The following NTRK3 variants were observed in gnomAD, a reference collection of about 807,000 sequenced individuals.
NTRK3 encodes NT-3 growth factor receptor.
NTRK3 carries 24 observed loss-of-function variants against 91.7 expected under a neutral mutation model. The ratio of observed to expected loss-of-function variants is 0.26; its 90% CI spans 0.19 to 0.37. NTRK3 has a LOEUF of 0.37. NTRK3 is among the 10% of genes least tolerant of loss of function. The pLI is 1.00. For synonymous variants in NTRK3, 483 were observed against 404.0 expected, an observed-to-expected ratio of 1.20 and a Z score of -2.34; for missense variants, 880 against 1,068.9, an observed-to-expected ratio of 0.82 and a Z score of 2.46.
chr15:88,147,844 G>A (rs1057049558), intron 5 of NTRK3, among the ~76,000 whole-genome samples: 2 of 152,130 alleles, frequency 1.3e-5, no homozygotes, highest in Non-Finnish European at 2.9e-5. Flanking sequence ...TTTAGCCAGT[G>A]TCTCTCCCAG....
intron 14 of NTRK3, among the ~76,000 whole-genome samples, chr15:87,999,534 T>G (rs565821966): frequency 6.6e-6 from 1 of 152,230 alleles, no homozygotes; most frequent in African/African-American, 2.4e-5. Context: ...ATAAATAACA[T>G]GTAGATGTCT....
chr15:87,915,493 C>T (rs1031320236), intron 17 of NTRK3, among the ~76,000 whole-genome samples: 3 of 152,248 alleles, frequency 2.0e-5, no homozygotes, highest in South Asian at 2.1e-4. Flanking sequence ...GCTCTTCCTG[C>T]AGATGCCTAA....
At chr15:87,949,313 C>T (rs1017136955) in intron 14 of NTRK3, among the ~76,000 whole-genome samples, 1 of 152,082 alleles carries the variant, frequency 6.6e-6, no homozygotes, top group African/African-American at 2.4e-5. Context: ...GACCCACATC[C>T]TAACCCTCAG....
intron 14 of NTRK3, among the ~76,000 whole-genome samples, chr15:87,942,612 C>G (rs2069996503): frequency 6.6e-6 from 1 of 152,154 alleles, no homozygotes; most frequent in Non-Finnish European, 1.5e-5. Flanking sequence ...AAGCCCACAT[C>G]TCTGAACACG....
intron 13 of NTRK3, among the ~76,000 whole-genome samples, chr15:88,069,503 G>A (rs949666891): frequency 2.0e-5 from 3 of 152,182 alleles, no homozygotes; most frequent in East Asian, 3.9e-4. Flanking sequence ...TGGAAGTGTG[G>A]AGCCTGGGTG....
chr15:87,903,930 C>T (rs2066599468), intron 17 of NTRK3, among the ~76,000 whole-genome samples: 2 of 152,154 alleles, frequency 1.3e-5, no homozygotes, highest in Admixed American at 6.5e-5. Flanking sequence ...AGACCCTCTC[C>T]ACAACCTCAG....
Position 88,212,699 on chromosome 15 carries a change from A to ATC in NTRK3, c.249-28402_249-28401dup, listed in dbSNP as rs2049360621. 1.0e-4 allele frequency among the ~76,000 whole-genome samples: 11 copies of ATC among 108,942 alleles called. No individual in the cohort carries two copies. In the Admixed American group the frequency reaches 1.0e-3, roughly 10 times the overall value. The allele number at this position is 108,942 out of a possible 152,430, so 71.5% of individuals were successfully genotyped here. ...TCATGGAAGCTGTTTTGGCTGCTGC[A>ATC]TCACACACACACACACACACACACA... is the stretch of plus-strand genomic sequence containing the variant. On this transcript the variant is annotated intron_variant, in intron 3 of 18. Transcript: ENST00000394480.
chr15:87,900,601 T>C (rs1363524243), intron 17 of NTRK3, among the ~76,000 whole-genome samples: 1 of 152,140 alleles, frequency 6.6e-6, no homozygotes, highest in Non-Finnish European at 1.5e-5. Context: ...AATTTTCTCA[T>C]CTGAATCAGG....
rs2071917666 is a variant in NTRK3, at chr15:87,958,603, C to G, written c.1586-17850G>C. Among the ~76,000 whole-genome samples the G allele has an allele frequency of 2.0e-5, 3 of 152,032 alleles. No individual in the cohort carries two copies. In the South Asian group the frequency reaches 6.2e-4, roughly 32 times the overall value. On this transcript the variant is annotated intron_variant, in intron 14 of 18. Transcript: ENST00000394480. ...AGCCCAGGAGTTTTCCTTGATGACT[C>G]TTTCCTGCAGTGCTCCCAAGCCCAT...
intron 13 of NTRK3, among the ~76,000 whole-genome samples, chr15:88,124,463 A>T (rs550828173): frequency 6.6e-6 from 1 of 152,340 alleles, no homozygotes; most frequent in East Asian, 1.9e-4. Flanking sequence ...ACTGCCAAGC[A>T]TGTCGCAGGG....
rs1366635360 is a variant in NTRK3 at position 87,886,721 on chromosome 15, TAC to T, written c.2134-6295_2134-6294del. Among the ~76,000 whole-genome samples the T allele has an allele frequency of 3.7e-4, 43 of 117,250 alleles. 1 individual carries two copies. The highest frequency in any genetic ancestry group is 4.2e-3 in the Middle Eastern group (1 of 238). 76.9% of individuals were successfully genotyped at this position (117,250 alleles called of 152,430 possible). A position where few individuals can be genotyped will look rare whatever the true frequency, so the allele number is the denominator to read the frequency against. The stretch of plus-strand genomic sequence containing the variant: ...ATATACATATATACACACACACACA[TAC>T]ACACACACACATAAACACACACACA... On this transcript the variant is annotated intron_variant, in intron 17 of 18. Coordinates refer to ENST00000394480, the Ensembl canonical transcript of NTRK3.
At chr15:88,068,769 G>A (rs1221209447) in intron 13 of NTRK3, among the ~76,000 whole-genome samples, 1 of 152,114 alleles carries the variant, frequency 6.6e-6, no homozygotes, top group Non-Finnish European at 1.5e-5. Flanking sequence ...AGCAGGCAGA[G>A]CAAGAAGGGC....
At chr15:87,973,035 G>A (rs184290818) in intron 14 of NTRK3, among the ~76,000 whole-genome samples, 7 of 152,192 alleles carry the variant, frequency 4.6e-5, no homozygotes, top group Non-Finnish European at 1.0e-4. Flanking sequence ...TGTCCCCCTC[G>A]TTTTTGTCAT....
chr15:87,881,720 A>C (rs2065267709), intron 17 of NTRK3, among the ~76,000 whole-genome samples: 1 of 151,826 alleles, frequency 6.6e-6, no homozygotes. Context: ...CGCCCGGCCT[A>C]AAGTTCTTAT....
At chr15:88,197,158 G>A (rs138179357) in intron 3 of NTRK3, among the ~76,000 whole-genome samples, 2 of 142,734 alleles carry the variant, frequency 1.4e-5, no homozygotes, top group East Asian at 4.2e-4. Context: ...TGTCTGCCCT[G>A]GGCACAGTAC....
chr15:88,079,519 C>T (rs1297560706), intron 13 of NTRK3, among the ~76,000 whole-genome samples: 1 of 152,186 alleles, frequency 6.6e-6, no homozygotes, highest in African/African-American at 2.4e-5. Context: ...GCTCTCAGCT[C>T]ATAGCTTAAA....
exon 10 of NTRK3, chr15:88,135,153 C>T (rs2041756457): frequency 9.3e-6 from 15 of 1,614,240 alleles, no homozygotes; most frequent in Non-Finnish European, 1.1e-5. Flanking sequence ...TGGCTGTGCC[C>T]AGTGGGTTTT....
chr15:88,208,956 T>C (rs2049015387), intron 3 of NTRK3, among the ~76,000 whole-genome samples: 1 of 152,154 alleles, frequency 6.6e-6, no homozygotes, highest in Non-Finnish European at 1.5e-5. Flanking sequence ...CATCGTGCCC[T>C]GAGTGAGGCA....
At chr15:87,933,171 G>T (rs1456055401) in exon 16 of NTRK3, 2 of 1,614,004 alleles carry the variant, frequency 1.2e-6, no homozygotes, top group Admixed American at 1.7e-5. Flanking sequence ...AGCCAGGGTG[G>T]GATCCTTCAG....
Sources: allele counts gnomAD v4.1 joint callset (sites outside exome capture counted in the v4.1 genomes callset), GRCh38; gene constraint gnomAD v4.1.1; transcripts MANE v1.5; gene names NCBI Gene and HGNC (gene_info 2026-07-23, HGNC 2026-07-21).